The following GPC5 variants were observed in gnomAD, a reference collection of about 807,000 sequenced individuals.
The protein encoded by GPC5 is glypican-5.
Under a neutral mutation model 53.9 loss-of-function variants are expected in GPC5, and 47 were observed. The observed-to-expected ratio is 0.87, with a 90% CI of 0.69 to 1.11. The LOEUF (loss-of-function observed/expected upper bound fraction) is 1.11. Among genes scored for constraint, GPC5 ranks in the 50% most tolerant of loss-of-function variants. The pLI is 0.00. For missense variants in GPC5, 748 were observed against 713.1 expected, an observed-to-expected ratio of 1.05 and a Z score of -0.56; for synonymous variants, 286 against 263.3, an observed-to-expected ratio of 1.09 and a Z score of -0.84.
At chr13:91,842,546 C>CA (rs1247041023) in intron 5 of GPC5, among the ~76,000 whole-genome samples, 1 of 149,118 alleles carries the variant, frequency 6.7e-6, no homozygotes, top group Non-Finnish European at 1.5e-5. Context: ...ACTAAAAATA[C>CA]AAAAAATTAG....
chr13:92,484,508 C>T (rs1345995074), intron 7 of GPC5: 1 of 152,088 alleles, frequency 6.6e-6, no homozygotes, highest in Non-Finnish European at 1.5e-5. Context: ...GTAGGTTTGT[C>T]TACATCAGCA....
intron 5 of GPC5, among the ~76,000 whole-genome samples, chr13:91,878,924 T>C (rs2039234123): frequency 6.6e-6 from 1 of 152,152 alleles, no homozygotes; most frequent in Non-Finnish European, 1.5e-5. Context: ...GAGGCTGAAA[T>C]AGGACTCAGA....
At chr13:92,527,231 AAGAAAGAAAGAAAGAAAGAGAAAGAAAG>A (rs1881375085) in intron 7 of GPC5, among the ~76,000 whole-genome samples, 2 of 52,110 alleles carry the variant, frequency 3.8e-5, no homozygotes, top group African/African-American at 1.9e-4. Flanking sequence ...GAAAGAAAGA[AAGAAAGAAAGAAAGAAAGAGAAAGAAAG>A]AAAGAAAGAA....
chr13:92,564,571 G>A (rs1185407922), intron 7 of GPC5, among the ~76,000 whole-genome samples: 1 of 151,208 alleles, frequency 6.6e-6, no homozygotes, highest in South Asian at 2.1e-4. Flanking sequence ...GGTTTTTTAC[G>A]TGGGTATATT....
intron 6 of GPC5, among the ~76,000 whole-genome samples, chr13:92,098,372 C>A (rs1220600428): frequency 6.6e-6 from 1 of 152,094 alleles, no homozygotes; most frequent in African/African-American, 2.4e-5. Flanking sequence ...ACCTTTGTAA[C>A]CAGAATATCT....
intron 7 of GPC5, among the ~76,000 whole-genome samples, chr13:92,166,956 T>TCTCTCACACACACA (rs1415930136): frequency 2.4e-5 from 2 of 84,710 alleles, no homozygotes; most frequent in African/African-American, 9.0e-5. Flanking sequence ...TCTCTCTCTC[T>TCTCTCACACACACA]CACACACACA....
chr13:91,487,037 C>T lies in GPC5; in HGVS notation c.325+38115C>T, dbSNP rs187344958. Among the ~76,000 whole-genome samples, 359 of 152,208 alleles carry T rather than the reference C, an allele frequency of 2.4e-3. 1 individual carries two copies. The highest frequency in any genetic ancestry group is 7.7e-3 in the African/African-American group (321 of 41,530). On this transcript the variant is annotated intron_variant, in intron 2 of 7. Transcript: ENST00000377067. ...ATCTGAGAAATAAAAATATCCAAAT[C>T]GAGCTTTGATTCAGGCTCAATATTG...
chr13:91,901,669 T>G (rs1428679020), intron 5 of GPC5, among the ~76,000 whole-genome samples: 1 of 152,076 alleles, frequency 6.6e-6, no homozygotes, highest in African/African-American at 2.4e-5. Context: ...ATGGTTTGTA[T>G]GGAAAATTTG....
chr13:92,659,721 T>C (rs957824403), intron 7 of GPC5, among the ~76,000 whole-genome samples: 2 of 152,206 alleles, frequency 1.3e-5, no homozygotes, highest in East Asian at 1.9e-4. Flanking sequence ...AACTGAAGCA[T>C]ACTCTGATGG....
intron 7 of GPC5, among the ~76,000 whole-genome samples, chr13:92,758,239 A>T (rs12020593): frequency 0.17 from 25,602 of 149,564 alleles, 2,576 homozygotes; most frequent in Non-Finnish European, 0.24. Context: ...AGAACAAAAA[A>T]CCAAACACCA....
At chr13:91,833,634 C>G (rs1265249095) in intron 5 of GPC5, among the ~76,000 whole-genome samples, 2 of 152,106 alleles carry the variant, frequency 1.3e-5, no homozygotes, top group Non-Finnish European at 2.9e-5. Flanking sequence ...GAACCAATGA[C>G]AAAAACCACA....
At chr13:91,744,643 T>C (rs1594511784) in intron 4 of GPC5, among the ~76,000 whole-genome samples, 1 of 152,176 alleles carries the variant, frequency 6.6e-6, no homozygotes, top group South Asian at 2.1e-4. Flanking sequence ...AGGCTTTTCA[T>C]TGGCAGATTA....
intron 6 of GPC5, among the ~76,000 whole-genome samples, chr13:92,094,658 CA>C (rs1320309995): frequency 6.6e-6 from 1 of 151,534 alleles, no homozygotes; most frequent in African/African-American, 2.4e-5. Context: ...GCTTGGCCCC[CA>C]AACATTTCAA....
At chr13:92,109,412 C>T (rs1441046270) in intron 6 of GPC5, among the ~76,000 whole-genome samples, 2 of 152,128 alleles carry the variant, frequency 1.3e-5, no homozygotes, top group Non-Finnish European at 1.5e-5. Flanking sequence ...CTCACTGTCT[C>T]ACTGAAACTG....
chr13:92,692,277 T>C (rs1254057152), intron 7 of GPC5, among the ~76,000 whole-genome samples: 1 of 152,098 alleles, frequency 6.6e-6, no homozygotes, highest in Non-Finnish European at 1.5e-5. Context: ...AGTTCACCGA[T>C]GAGGGACACC....
At chr13:91,714,832 C>A (rs766327094) in intron 3 of GPC5, among the ~76,000 whole-genome samples, 1 of 152,004 alleles carries the variant, frequency 6.6e-6, no homozygotes, top group Non-Finnish European at 1.5e-5. Flanking sequence ...TTGCTTTGCC[C>A]GGGAAAGAAC....
chr13:92,612,269 A>T (rs539256341), intron 7 of GPC5, among the ~76,000 whole-genome samples: 1 of 152,150 alleles, frequency 6.6e-6, no homozygotes, highest in Non-Finnish European at 1.5e-5. Context: ...ATCAAAGCAC[A>T]TCACGAATTG....
chr13:92,083,780 C>A (rs1242899258), intron 6 of GPC5, among the ~76,000 whole-genome samples: 1 of 152,148 alleles, frequency 6.6e-6, no homozygotes, highest in Non-Finnish European at 1.5e-5. Context: ...AATGGTTGAA[C>A]TAATTTACAT....
chr13:92,152,064 A>G (rs2041911125), intron 7 of GPC5, among the ~76,000 whole-genome samples: 1 of 152,164 alleles, frequency 6.6e-6, no homozygotes, highest in African/African-American at 2.4e-5. Context: ...TTACAGAGGA[A>G]CAGAATTATT....
Sources: gnomAD v4.1 joint callset for allele counts (sites outside exome capture counted in the v4.1 genomes callset) on GRCh38, gnomAD v4.1.1 for gene constraint, MANE v1.5 for transcripts, NCBI Gene and HGNC (gene_info 2026-07-23, HGNC 2026-07-21) for gene names.